The following ZNF772 variants were observed in gnomAD, a reference collection of about 807,000 sequenced individuals.
ZNF772 encodes the protein zinc finger protein 772.
In ZNF772, 8 loss-of-function variants were observed where a neutral mutation model predicts 11.0. That is an observed-to-expected ratio of 0.73 (90% CI 0.43 to 1.31). The LOEUF (loss-of-function observed/expected upper bound fraction) is 1.31, where lower values mean the gene tolerates loss of function less well. Among genes scored for constraint, ZNF772 ranks in the 50% most tolerant of loss-of-function variants. The pLI is 0.01. For missense variants in ZNF772, 496 were observed against 552.3 expected, an observed-to-expected ratio of 0.90 and a Z score of 1.02; for synonymous variants, 155 against 180.4, an observed-to-expected ratio of 0.86 and a Z score of 1.13.
In ZNF772 at chr19:57,470,088, T is replaced by A. The variant is rs913321507; in HGVS notation, c.*3186A>T. The A allele has an allele frequency of 2.0e-5, 3 of 152,106 alleles. No individual in the cohort carries two copies. Among genetic ancestry groups the A allele is most frequent in the African/African-American group, 4.8e-5 (2 of 41,412 alleles). 9.4% of individuals were successfully genotyped at this position (152,106 alleles called of 1,614,324 possible). On this transcript the variant is annotated 3_prime_UTR_variant, in exon 4 of 4. Transcript: ENST00000356584. The stretch of plus-strand genomic sequence containing the variant: ...TAAACTCAACTAAAATGAAACCACA[T>A]CGGCTGGGCTCACGCCTGTAATCCC...
At chr19:57,476,741 C>T in intron 1 of ZNF772, 69 bp from the exon 2 acceptor site, 1 of 1,382,280 alleles carries the variant, frequency 7.2e-7, no homozygotes, top group Non-Finnish European at 9.9e-7. Context: ...AACCCCATCC[C>T]ATATTCCTAC....
rs1436828804 is a variant in ZNF772, at chr19:57,470,207, C to CA, written c.*3066dup. 6.6e-6 allele frequency: 1 copy of CA among 152,008 alleles called. No homozygotes were observed. The highest frequency in any genetic ancestry group is 2.4e-5 in the African/African-American group (1 of 41,376). 9.4% of individuals were successfully genotyped at this position (152,008 alleles called of 1,614,324 possible). A position where few individuals can be genotyped will look rare whatever the true frequency, so the allele number is the denominator to read the frequency against. ...TGAAACCTCGTCTCTACTAAAAATA[C>CA]AAAAAATTAGCCAGGCATGGTGGCA... is the stretch of plus-strand genomic sequence containing the variant. On this transcript the variant is annotated 3_prime_UTR_variant, in exon 4 of 4. Coordinates refer to ENST00000356584, the MANE Select transcript of ZNF772 (RefSeq NM_001144068.2).
At chr19:57,476,512 C>G in intron 2 of ZNF772, 122 bp downstream of exon 2, 1 of 1,275,274 alleles carries the variant, frequency 7.8e-7, no homozygotes, top group Non-Finnish European at 1.1e-6. Context: ...TGGGGCTTCT[C>G]CAGAGTCCTC....
rs2089268067 is a variant in ZNF772, at chr19:57,475,152, G to C, written c.199+508C>G. On this transcript the variant is annotated intron_variant, in intron 3 of 3. Transcript: ENST00000356584. The surrounding 1 kb of genome is among the most constrained non-coding windows in gnomAD (Gnocchi z 4.2). ...GGACATGAAAGATGTATGTCCTAAG[G>C]GAAAGATAGAACAGCACTGGTCTGG... 1 of 1,613,946 alleles carries C rather than the reference G, an allele frequency of 6.2e-7. No individual in the cohort carries two copies. The highest frequency in any genetic ancestry group is 1.3e-5 in the African/African-American group (1 of 74,894).
At position 57,475,858 on chromosome 19, in the gene ZNF772, T is replaced by C. The variant is rs1426848826; in HGVS notation, c.73-72A>G. On this transcript the variant is annotated intron_variant, in intron 2 of 3. Transcript: ENST00000356584. This position sits in a 1 kb window ranked among gnomAD's most constrained non-coding sequence, Gnocchi z 4.2. ...GAACCCCCATCCGTGCCCCCACACA[T>C]CTCCCTCCTGTACACCCTCCTACCT... 11 of 1,535,922 alleles carry C rather than the reference T, an allele frequency of 7.2e-6. No individual in the cohort carries two copies. The highest frequency in any genetic ancestry group is 9.6e-6 in the Non-Finnish European group (11 of 1,141,182).
At position 57,470,466 on chromosome 19, in the gene ZNF772, AC is replaced by A. The variant is rs2089201866; in HGVS notation, c.*2807del. The A allele has an allele frequency of 1.3e-5, 2 of 152,176 alleles. No homozygotes were observed. Among genetic ancestry groups the A allele is most frequent in the East Asian group, 3.9e-4 (2 of 5,192 alleles). 9.4% of individuals were successfully genotyped at this position (152,176 alleles called of 1,614,324 possible). Reference sequence around the variant, plus strand: ...CTCTTCCCCATATTAGGGGAAAAAAACCCAAAGGTTTGAAATGAAGGACCTC... The same window carrying A: ...CTCTTCCCCATATTAGGGGAAAAAAACCAAAGGTTTGAAATGAAGGACCTC... On this transcript the variant is annotated 3_prime_UTR_variant, in exon 4 of 4. Transcript: ENST00000356584.
Position 57,474,071 on chromosome 19 carries a change from C to G in ZNF772, c.550G>C (p.Gly184Arg). ...GCTAGGAAGTCCTTACAAGCCTCCC[C>G]TGTCACAAAAGACATCTCCATTGAT... The part of the protein sequence containing the change: ...VQSMEMSFVT[G>R]EACKDFLASS... Residue 184 changes from glycine (G) to arginine (R), a missense_variant, in exon 4 of 4, where the codon GGG (glycine) becomes CGG (arginine). Transcript: ENST00000356584. 1 of 1,614,182 alleles carries G rather than the reference C, an allele frequency of 6.2e-7. No homozygotes were observed. Among genetic ancestry groups the G allele is most frequent in the Non-Finnish European group, 8.5e-7 (1 of 1,179,992 alleles).
Position 57,470,519 on chromosome 19 carries a change from G to C in ZNF772, c.*2755C>G, listed in dbSNP as rs181268652. The stretch of plus-strand genomic sequence containing the variant: ...GCTTCCATGTTAAAAAGTAGCAAAA[G>C]AAATGAAATCCAATAAAAGCGGAAG... On this transcript the variant is annotated 3_prime_UTR_variant, in exon 4 of 4. Coordinates refer to ENST00000356584, the MANE Select transcript of ZNF772 (RefSeq NM_001144068.2). 1.3e-5 allele frequency: 2 copies of C among 152,082 alleles called. No homozygotes were observed. Among genetic ancestry groups the C allele is most frequent in the Admixed American group, 1.3e-4 (2 of 15,286 alleles). 9.4% of individuals were successfully genotyped at this position (152,082 alleles called of 1,614,324 possible).
chr19:57,477,452 C>G lies in ZNF772; in HGVS notation c.-143G>C. ...CTCTCTTCAGGGAAGAAGACACTCT[C>G]TCACGTTTTCCCTTTTCTGTCACCT... is the stretch of plus-strand genomic sequence containing the variant. On this transcript the variant is annotated 5_prime_UTR_variant, in exon 1 of 4. Transcript: ENST00000356584. 1.3e-6 allele frequency: 1 copy of G among 792,274 alleles called. No homozygotes were observed. The highest frequency in any genetic ancestry group is 2.9e-5 in the Admixed American group (1 of 34,564). 49.1% of individuals were successfully genotyped at this position (792,274 alleles called of 1,614,324 possible).
Position 57,473,195 on chromosome 19 carries a change from T to C in ZNF772, c.*79A>G, listed in dbSNP as rs1166923132. 4.9e-6 allele frequency: 7 copies of C among 1,416,208 alleles called. No individual in the cohort carries two copies. The highest frequency in any genetic ancestry group is 6.7e-6 in the Non-Finnish European group (7 of 1,045,166). The allele number at this position is 1,416,208 out of a possible 1,614,324, so 87.7% of individuals were successfully genotyped here. On this transcript the variant is annotated 3_prime_UTR_variant, in exon 4 of 4. Transcript: ENST00000356584. ...TAAAGTTCTACTTCTGGCTGTCGGC[T>C]ACACATAAAGGCTATGCTTGGAGCT...
chr19:57,472,911 A>G lies in ZNF772; in HGVS notation c.*363T>C. ...CTTAAACCAGTAGTGGGGCAGAAAA[A>G]AAGTGAGAATCCTTGATGGCCTCAG... On this transcript the variant is annotated 3_prime_UTR_variant, in exon 4 of 4. Transcript: ENST00000356584. The G allele has an allele frequency of 9.4e-6, 2 of 213,250 alleles. No homozygotes were observed. Among genetic ancestry groups the G allele is most frequent in the South Asian group, 2.6e-4 (2 of 7,826 alleles). 13.2% of individuals were successfully genotyped at this position (213,250 alleles called of 1,614,324 possible).
intron 1 of ZNF772, 148 bp downstream of exon 1, chr19:57,477,129 C>T: frequency 1.9e-6 from 2 of 1,028,102 alleles, no homozygotes; most frequent in Admixed American, 2.2e-5. Context: ...TCCTTCAACT[C>T]GTGCTGTCAA....
intron 3 of ZNF772, chr19:57,474,902 G>A: frequency 7.1e-7 from 1 of 1,413,528 alleles, no homozygotes. Context: ...AACATCCAGA[G>A]GCCAAAGGCC....
Position 57,472,070 on chromosome 19 carries a change from A to T in ZNF772, c.*1204T>A, listed in dbSNP as rs768134006. ...TGACTTCTGGACAGTAACCTTAGCC[A>T]TAAGAGACACAGGTATGGAAATATT... is the stretch of plus-strand genomic sequence containing the variant. On this transcript the variant is annotated 3_prime_UTR_variant, in exon 4 of 4. Coordinates refer to ENST00000356584, the MANE Select transcript of ZNF772 (RefSeq NM_001144068.2). The T allele has an allele frequency of 2.2e-6, 1 of 454,752 alleles. No individual in the cohort carries two copies. Among genetic ancestry groups the T allele is most frequent in the Admixed American group, 2.4e-5 (1 of 42,226 alleles). The allele number at this position is 454,752 out of a possible 1,614,324, so 28.2% of individuals were successfully genotyped here.
At chr19:57,474,732 T>C (rs1306383051) in intron 3 of ZNF772, among the ~76,000 whole-genome samples, 1 of 152,254 alleles carries the variant, frequency 6.6e-6, no homozygotes, top group Non-Finnish European at 1.5e-5. Context: ...CAGAAGGTTA[T>C]GGTCCATACC....
rs763520574 is a variant in ZNF772, at chr19:57,473,334, G to A, written c.1287C>T (p.Ala429=). 1.2e-6 allele frequency: 2 copies of A among 1,614,120 alleles called. No individual in the cohort carries two copies. The highest frequency in any genetic ancestry group is 1.7e-6 in the Non-Finnish European group (2 of 1,179,976). ...RPYKCSECGK[A]FRQRASLIRH... is the part of the protein sequence containing the mutation. Reference sequence around the variant, plus strand: ...GGATGAGGGAAGCCCTCTGCCTGAAGGCCTTCCCACATTCACTGCACTTAT... The same window carrying A: ...GGATGAGGGAAGCCCTCTGCCTGAAAGCCTTCCCACATTCACTGCACTTAT... Residue 429 remains alanine, a synonymous_variant, in exon 4 of 4, where the codon GCC becomes GCT. Coordinates refer to ENST00000356584, the MANE Select transcript of ZNF772 (RefSeq NM_001144068.2).
chr19:57,476,890 C>T (rs565172158), intron 1 of ZNF772, among the ~76,000 whole-genome samples: 84 of 152,332 alleles, frequency 5.5e-4, no homozygotes, highest in African/African-American at 2.0e-3. Flanking sequence ...CATGAGCAGT[C>T]TATGGAATAC....
In ZNF772 at chr19:57,473,821, A is replaced by G. The variant is rs749976170; in HGVS notation, c.800T>C (p.Ile267Thr). ...GTGGATTCTCTGGTGCTGAGCAAGT[A>G]TGGGTTTGCGGCTAAAGGTTTTCCC... ...ECGKTFSRKPILAQHQRIHTG... is the reference protein window; with the variant it reads ...ECGKTFSRKPTLAQHQRIHTG... The change falls in exon 4 of 4, where the codon ATA (isoleucine) becomes ACA (threonine). Residue 267 changes from isoleucine (I) to threonine (T), a missense_variant. By Grantham distance (89) the Ile-to-Thr change is moderately conservative (BLOSUM62 -1). Transcript: ENST00000356584. The G allele has an allele frequency of 3.1e-6, 5 of 1,612,434 alleles. 1 individual carries two copies. In the South Asian group the frequency reaches 4.4e-5, roughly 14 times the overall value.
At position 57,472,037 on chromosome 19, in the gene ZNF772, G is replaced by A. The variant is rs918113474; in HGVS notation, c.*1237C>T. On this transcript the variant is annotated 3_prime_UTR_variant, in exon 4 of 4. Transcript: ENST00000356584. ...AATATGTGCAGTTTATTGCAAAAAT[G>A]TTTAGACTGACTTCTGGACAGTAAC... 2 of 439,764 alleles carry A rather than the reference G, an allele frequency of 4.5e-6. No individual in the cohort carries two copies. The highest frequency in any genetic ancestry group is 4.1e-5 in the African/African-American group (2 of 48,982). The allele number at this position is 439,764 out of a possible 1,614,324, so 27.2% of individuals were successfully genotyped here. A position where few individuals can be genotyped will look rare whatever the true frequency, so the allele number is the denominator to read the frequency against.
Sources: allele counts gnomAD v4.1 joint callset (sites outside exome capture counted in the v4.1 genomes callset), GRCh38; gene constraint gnomAD v4.1.1; non-coding constraint Gnocchi (gnomAD v3.1); transcripts MANE v1.5; gene names NCBI Gene and HGNC (gene_info 2026-07-23, HGNC 2026-07-21).